The following MGST1 variants were observed in gnomAD, a reference collection of about 807,000 sequenced individuals.
MGST1 encodes microsomal glutathione S-transferase 1.
In MGST1, 5 loss-of-function variants were observed where a neutral mutation model predicts 8.9. The ratio of observed to expected loss-of-function variants is 0.56; its 90% CI spans 0.29 to 1.19. The LOEUF (loss-of-function observed/expected upper bound fraction) is 1.19, where lower values mean the gene tolerates loss of function less well. Among genes scored for constraint, MGST1 ranks in the 50% most tolerant of loss-of-function variants. The pLI is 0.08. For synonymous variants in MGST1, 54 were observed against 67.8 expected, an observed-to-expected ratio of 0.80 and a Z score of 1.00; for missense variants, 182 against 187.4, an observed-to-expected ratio of 0.97 and a Z score of 0.17.
intron 4 of MGST1, among the ~76,000 whole-genome samples, chr12:16,521,667 T>C (rs1393664978): frequency 3.3e-5 from 5 of 152,158 alleles, no homozygotes; most frequent in Non-Finnish European, 5.9e-5. Flanking sequence ...CATTGCAATA[T>C]AACATATTTT....
downstream of MGST1, among the ~76,000 whole-genome samples, chr12:16,365,039 A>G (rs1006082026): frequency 1.3e-5 from 2 of 152,162 alleles, no homozygotes; most frequent in Admixed American, 6.5e-5. Flanking sequence ...CAGGCATATG[A>G]TATCAGTTTG....
chr12:16,433,808 G>A (rs781031966), intron 1 of MGST1, among the ~76,000 whole-genome samples: 8 of 152,080 alleles, frequency 5.3e-5, no homozygotes, highest in Non-Finnish European at 7.4e-5. Context: ...CCCCCAAGGC[G>A]TTCAGTTAGT....
intron 1 of MGST1, among the ~76,000 whole-genome samples, chr12:16,392,075 G>A (rs1940557971): frequency 6.6e-6 from 1 of 152,164 alleles, no homozygotes; most frequent in African/African-American, 2.4e-5. Flanking sequence ...TTTTTTCTGG[G>A]CTCTCTATTC....
chr12:16,463,159 C>A (rs1376052235), intron 4 of MGST1, among the ~76,000 whole-genome samples: 1 of 152,016 alleles, frequency 6.6e-6, no homozygotes, highest in Non-Finnish European at 1.5e-5. Context: ...ATACTGCTTA[C>A]CTCTCCCCTT....
intron 1 of MGST1, among the ~76,000 whole-genome samples, chr12:16,420,265 C>G (rs189049963): frequency 1.4e-4 from 21 of 152,218 alleles, no homozygotes; most frequent in Admixed American, 8.5e-4. Context: ...GCAAAATGCA[C>G]TAATTGAAGA....
intron 1 of MGST1, among the ~76,000 whole-genome samples, chr12:16,416,920 G>C (rs575843069): frequency 3.8e-4 from 58 of 152,248 alleles, no homozygotes; most frequent in Middle Eastern, 3.4e-3. Flanking sequence ...CAGATCAAAA[G>C]TGTGGACCAA....
In MGST1 at chr12:16,497,875, G is replaced by A. The variant is rs1941480289; in HGVS notation, n.483-91653G>A. Among the ~76,000 whole-genome samples the A allele has an allele frequency of 6.6e-6, 1 of 152,134 alleles. No homozygotes were observed. The highest frequency in any genetic ancestry group is 1.5e-5 in the Non-Finnish European group (1 of 68,022). On this transcript the variant is annotated intron_variant and non_coding_transcript_variant, in intron 4 of 4. Transcript: ENST00000538857. This position sits in a 1 kb window ranked among gnomAD's most constrained non-coding sequence, Gnocchi z 4.4. Reference sequence around the variant, plus strand: ...TGTCCCCCAGAAATTCCGGAGTAGGGCTCAGGAATCTGCATTTCTACCAGT... The same window carrying A: ...TGTCCCCCAGAAATTCCGGAGTAGGACTCAGGAATCTGCATTTCTACCAGT...
intron 4 of MGST1, among the ~76,000 whole-genome samples, chr12:16,451,186 A>T (rs1255740130): frequency 6.6e-6 from 1 of 151,858 alleles, no homozygotes; most frequent in Non-Finnish European, 1.5e-5. Flanking sequence ...TAGGTGGTGG[A>T]TACATTCTAG....
intron 4 of MGST1, among the ~76,000 whole-genome samples, chr12:16,553,272 A>G (rs867347232): frequency 2.6e-5 from 4 of 152,154 alleles, no homozygotes; most frequent in African/African-American, 9.6e-5. Context: ...TAAAGGAAGA[A>G]AAATAACCCA....
At chr12:16,411,277 A>G (rs2137073894) in intron 1 of MGST1, among the ~76,000 whole-genome samples, 1 of 152,276 alleles carries the variant, frequency 6.6e-6, no homozygotes, top group East Asian at 1.9e-4. Flanking sequence ...CAACTCTGGT[A>G]CTTGGGTCAT....
Position 16,401,465 on chromosome 12 carries a change from C to T in MGST1, n.778+17861C>T, listed in dbSNP as rs1940655167. On this transcript the variant is annotated intron_variant and non_coding_transcript_variant, in intron 1 of 1. Coordinates refer to the MGST1 transcript ENST00000359720. This position sits in a 1 kb window ranked among gnomAD's most constrained non-coding sequence, Gnocchi z 4.3. The stretch of plus-strand genomic sequence containing the variant: ...GCATTATATACATCACATATCTTCA[C>T]ACCATGTCTTAATTCCTTCAGCAGC... 1 of 837,042 alleles carries T rather than the reference C, an allele frequency of 1.2e-6. No homozygotes were observed. Among genetic ancestry groups the T allele is most frequent in the Admixed American group, 1.8e-5 (1 of 55,604 alleles). The allele number at this position is 837,042 out of a possible 1,614,324, so 51.9% of individuals were successfully genotyped here.
intron 1 of MGST1, among the ~76,000 whole-genome samples, chr12:16,420,263 C>T (rs751431682): frequency 1.8e-4 from 28 of 152,042 alleles, no homozygotes; most frequent in Non-Finnish European, 4.1e-4. Flanking sequence ...AAGCAAAATG[C>T]ACTAATTGAA....
chr12:16,468,185 C>T (rs112802867), intron 4 of MGST1, among the ~76,000 whole-genome samples: 1 of 152,094 alleles, frequency 6.6e-6, no homozygotes, highest in East Asian at 1.9e-4. Context: ...ATTGATTCAA[C>T]CTCTCTAACA....
chr12:16,367,670 A>G (rs567512142), downstream of MGST1, among the ~76,000 whole-genome samples: 129 of 152,310 alleles, frequency 8.5e-4, no homozygotes, highest in Middle Eastern at 6.8e-3. Context: ...GGAATCAAAT[A>G]TTAAATGGCT....
Position 16,543,521 on chromosome 12 carries a change from A to C in MGST1, n.483-46007A>C, listed in dbSNP as rs965564470. Among the ~76,000 whole-genome samples, 10 of 152,216 alleles carry C rather than the reference A, an allele frequency of 6.6e-5. 1 individual carries two copies. Among genetic ancestry groups the C allele is most frequent in the Middle Eastern group, 3.4e-3 (1 of 294 alleles). On this transcript the variant is annotated intron_variant and non_coding_transcript_variant, in intron 4 of 4. Transcript: ENST00000538857. Reference sequence around the variant, plus strand: ...CTCATCCAATGCAGATTAGCACATAAATGACTCTTAGAGAATTTGAGATTA... The same window carrying C: ...CTCATCCAATGCAGATTAGCACATACATGACTCTTAGAGAATTTGAGATTA...
At chr12:16,549,329 A>T (rs541530202) in intron 4 of MGST1, 1 of 152,310 alleles carries the variant, frequency 6.6e-6, no homozygotes, top group Admixed American at 6.5e-5. Flanking sequence ...GTATATCTCA[A>T]ATCTGGGGAA....
At chr12:16,543,734 A>G (rs1395373172) in intron 4 of MGST1, among the ~76,000 whole-genome samples, 1 of 152,146 alleles carries the variant, frequency 6.6e-6, no homozygotes. Context: ...TTTCTGCCTG[A>G]TGGCAAAGCT....
chr12:16,417,423 G>A (rs1264444148), intron 1 of MGST1, among the ~76,000 whole-genome samples: 1 of 152,036 alleles, frequency 6.6e-6, no homozygotes, highest in African/African-American at 2.4e-5. Flanking sequence ...TTGTAATTTG[G>A]ATTACAATTC....
rs150973714 is a variant in MGST1 at position 16,470,682 on chromosome 12, A to T, written n.482+87078A>T. Among the ~76,000 whole-genome samples, 623 of 152,304 alleles carry T rather than the reference A, an allele frequency of 4.1e-3. 2 individuals carry two copies. The highest frequency in any genetic ancestry group is 0.014 in the African/African-American group (590 of 41,572). On this transcript the variant is annotated intron_variant and non_coding_transcript_variant, in intron 4 of 4. Transcript: ENST00000538857. ...ATTTTGAAGAGCTAATTGAATCATT[A>T]TACATTTAATATAGCCTTTTGAACA... is the stretch of plus-strand genomic sequence containing the variant.
Sources: allele counts gnomAD v4.1 joint callset (sites outside exome capture counted in the v4.1 genomes callset), GRCh38; gene constraint gnomAD v4.1.1; non-coding constraint Gnocchi (gnomAD v3.1); transcripts MANE v1.5; gene names NCBI Gene and HGNC (gene_info 2026-07-23, HGNC 2026-07-21).